The following CACNB2 variants were observed in gnomAD, a reference collection of about 807,000 sequenced individuals.
CACNB2 encodes the protein calcium voltage-gated channel auxiliary subunit beta 2.
Under a neutral mutation model 73.3 loss-of-function variants are expected in CACNB2, and 42 were observed. The ratio of observed to expected loss-of-function variants is 0.57; its 90% CI spans 0.45 to 0.74. The LOEUF (loss-of-function observed/expected upper bound fraction) is 0.74, where lower values mean the gene tolerates loss of function less well. Ranked by LOEUF, CACNB2 falls within the 30% of genes least tolerant of loss-of-function variation. CACNB2 has a pLI of 0.00. For synonymous variants in CACNB2, 348 were observed against 310.3 expected (o/e 1.12, Z -1.28); for missense variants, 940 against 853.0 (o/e 1.10, Z -1.27).
intron 3 of CACNB2, among the ~76,000 whole-genome samples, chr10:18,492,395 CGGAT>C (rs2049491878): frequency 1.3e-5 from 2 of 152,020 alleles, no homozygotes; most frequent in Non-Finnish European, 2.9e-5. Flanking sequence ...CCGAGGCAAG[CGGAT>C]CACCTGAGGT....
Position 18,273,894 on chromosome 10 carries a change from C to A in CACNB2, c.213+122919C>A, listed in dbSNP as rs575226990. Among the ~76,000 whole-genome samples, 63 of 152,340 alleles carry A rather than the reference C, an allele frequency of 4.1e-4. No individual in the cohort carries two copies. The South Asian group carries it at 0.013, about 31-fold the overall frequency. ...CATTCCTTTCAAGGTACAACTTTAA[C>A]TACTAGATCCAGTTCATACCGTTTG... On this transcript the variant is annotated intron_variant, in intron 2 of 13. Coordinates refer to ENST00000324631, the MANE Select transcript of CACNB2 (RefSeq NM_201596.3).
At chr10:18,504,869 T>C (rs939588716) in intron 5 of CACNB2, among the ~76,000 whole-genome samples, 2 of 152,208 alleles carry the variant, frequency 1.3e-5, no homozygotes, top group African/African-American at 4.8e-5. Flanking sequence ...GGTCTCAAAC[T>C]CCCAACCTTA....
At chr10:18,472,204 T>G (rs2048219580) in intron 3 of CACNB2, among the ~76,000 whole-genome samples, 3 of 149,726 alleles carry the variant, frequency 2.0e-5, no homozygotes, top group South Asian at 4.2e-4. Context: ...TCCTTTAATA[T>G]CCGGCCCACT....
chr10:18,500,868 A>G lies in CACNB2; in HGVS notation c.513A>G (p.Gly171=), dbSNP rs1296558625. The change falls in exon 5 of 14, where the codon GGA becomes GGG. Residue 171 remains glycine (G), a synonymous_variant. Transcript: ENST00000324631. ...GRLVKEGCEI[G]FIPSPVKLEN... is the part of the protein sequence containing the mutation. ...TGGTAAAAGAAGGCTGTGAAATCGG[A>G]TTCATTCCAAGCCCAGTCAAACTAG... The G allele has an allele frequency of 6.2e-7, 1 of 1,614,028 alleles. No homozygotes were observed. Among genetic ancestry groups the G allele is most frequent in the South Asian group, 1.1e-5 (1 of 91,084 alleles).
chr10:18,470,383 CTA>C (rs57816927), intron 3 of CACNB2, among the ~76,000 whole-genome samples: 2,838 of 148,726 alleles, frequency 0.019, 31 homozygotes, highest in Admixed American at 0.027. Context: ...TATATATAGA[CTA>C]TGATATACAG....
At position 18,542,190 on chromosome 10, in the gene CACNB2, AAAAG is replaced by A. The variant is rs1390062319; in HGVS notation, c.*2470_*2473del. 10 of 152,306 alleles carry A rather than the reference AAAAG, an allele frequency of 6.6e-5. No individual in the cohort carries two copies. The highest frequency in any genetic ancestry group is 2.2e-4 in the African/African-American group (9 of 41,564). 9.4% of individuals were successfully genotyped at this position (152,306 alleles called of 1,614,324 possible). A position where few individuals can be genotyped will look rare whatever the true frequency, so the allele number is the denominator to read the frequency against. On this transcript the variant is annotated 3_prime_UTR_variant, in exon 14 of 14. Coordinates refer to ENST00000324631, the MANE Select transcript of CACNB2 (RefSeq NM_201596.3). ...GCCTGGTGACAACCTGGTGTTTAAA[AAAAG>A]AAAATAAAAATTAGTTACATATATA...
intron 2 of CACNB2, among the ~76,000 whole-genome samples, chr10:18,307,913 G>C (rs1351099201): frequency 6.8e-6 from 1 of 147,348 alleles, no homozygotes; most frequent in Non-Finnish European, 1.5e-5. Flanking sequence ...AGTAGCATGT[G>C]TGTATTACAC....
intron 2 of CACNB2, among the ~76,000 whole-genome samples, chr10:18,189,739 T>C (rs905910543): frequency 6.6e-5 from 10 of 152,326 alleles, no homozygotes; most frequent in African/African-American, 2.2e-4. Flanking sequence ...GCATTAACAG[T>C]GTGAATACTT....
chr10:18,324,944 C>T lies in CACNB2; in HGVS notation c.214-76980C>T, dbSNP rs7068358. Among the ~76,000 whole-genome samples, 659 of 152,314 alleles carry T rather than the reference C, an allele frequency of 4.3e-3. 8 individuals carry two copies. The highest frequency in any genetic ancestry group is 0.015 in the African/African-American group (635 of 41,576). On this transcript the variant is annotated intron_variant, in intron 2 of 13. Coordinates refer to ENST00000324631, the MANE Select transcript of CACNB2 (RefSeq NM_201596.3). ...ATATGTTACTTATTCCTCACTCTTA[C>T]GCCATGAAAGATGTGCTATTAGTAT...
At chr10:18,164,921 G>A (rs940805444) in intron 2 of CACNB2, among the ~76,000 whole-genome samples, 9 of 152,172 alleles carry the variant, frequency 5.9e-5, no homozygotes, top group African/African-American at 2.2e-4. Context: ...GGTTCTTACT[G>A]ACTCATTCAT....
chr10:18,409,958 C>A (rs1564517766), intron 3 of CACNB2, among the ~76,000 whole-genome samples: 1 of 152,118 alleles, frequency 6.6e-6, no homozygotes, highest in Non-Finnish European at 1.5e-5. Context: ...GTCATCCTCT[C>A]CAGAGAATAA....
At chr10:18,460,547 C>T (rs1385169606) in intron 3 of CACNB2, among the ~76,000 whole-genome samples, 1 of 151,924 alleles carries the variant, frequency 6.6e-6, no homozygotes, top group African/African-American at 2.4e-5. Flanking sequence ...GGAAGATTTT[C>T]TTTTCGGCAG....
At chr10:18,250,577 G>C (rs933481057) in intron 2 of CACNB2, among the ~76,000 whole-genome samples, 1 of 151,282 alleles carries the variant, frequency 6.6e-6, no homozygotes, top group Non-Finnish European at 1.5e-5. Context: ...TGTAGAGGGT[G>C]CCTAAGCTAG....
At chr10:18,444,421 A>G (rs1384845696) in intron 3 of CACNB2, among the ~76,000 whole-genome samples, 2 of 152,190 alleles carry the variant, frequency 1.3e-5, no homozygotes, top group Non-Finnish European at 2.9e-5. Flanking sequence ...TGTTTATTTA[A>G]CAAATATTTA....
intron 2 of CACNB2, among the ~76,000 whole-genome samples, chr10:18,278,720 T>A (rs1166791117): frequency 6.6e-6 from 1 of 152,022 alleles, no homozygotes; most frequent in Non-Finnish European, 1.5e-5. Flanking sequence ...TGAAAATAAA[T>A]TTTTTAAAAA....
chr10:18,258,026 G>T (rs916365973), intron 2 of CACNB2, among the ~76,000 whole-genome samples: 2 of 152,190 alleles, frequency 1.3e-5, no homozygotes, highest in Non-Finnish European at 2.9e-5. Context: ...TTATAGGCGT[G>T]AGCCACCCCG....
chr10:18,464,294 C>T (rs1049426731), intron 3 of CACNB2, among the ~76,000 whole-genome samples: 1 of 150,994 alleles, frequency 6.6e-6, no homozygotes, highest in African/African-American at 2.4e-5. Context: ...GTGGTCCATG[C>T]TTGCTACTTG....
chr10:18,329,653 C>A (rs546420803), intron 2 of CACNB2, among the ~76,000 whole-genome samples: 1 of 152,132 alleles, frequency 6.6e-6, no homozygotes, highest in East Asian at 1.9e-4. Flanking sequence ...TACTTCACTG[C>A]AGAAATTAAT....
intron 2 of CACNB2, among the ~76,000 whole-genome samples, chr10:18,391,820 C>G (rs141175913): frequency 0.036 from 5,294 of 147,618 alleles, 341 homozygotes; most frequent in African/African-American, 0.12. Flanking sequence ...CCCAGCTACT[C>G]AGGAGGCTGA....
Sources: gnomAD v4.1 joint callset for allele counts (sites outside exome capture counted in the v4.1 genomes callset) on GRCh38, gnomAD v4.1.1 for gene constraint, MANE v1.5 for transcripts, NCBI Gene and HGNC (gene_info 2026-07-23, HGNC 2026-07-21) for gene names.